MC5R: variants seen among roughly 807,000 people sequenced by gnomAD.
MC5R encodes melanocortin receptor 5.
For synonymous variants in MC5R, 167 were observed against 164.4 expected (o/e 1.02, Z -0.12); for missense variants, 420 against 431.4 (o/e 0.97, Z 0.23).
chr18:13,826,434 C>A lies in MC5R; in HGVS notation c.669C>A (p.Pro223=), dbSNP rs142471410. The stretch of plus-strand genomic sequence containing the variant: ...ACGTCAAGCGGATCGCGGCTCTGCC[C>A]GGGGCCAGCTCTGCGCGGCAGAGGA... ...RTHVKRIAAL[P]GASSARQRTS... Residue 223 remains proline, a synonymous_variant, in exon 2 of 2, where the codon CCC becomes CCA. Coordinates refer to ENST00000589410, the MANE Select transcript of MC5R (RefSeq NM_005913.3). 4.3e-6 allele frequency: 7 copies of A among 1,613,898 alleles called. No individual in the cohort carries two copies. The East Asian group carries it at 1.6e-4, about 36-fold the overall frequency.
chr18:13,826,815 G>A lies in MC5R; in HGVS notation c.*72G>A, dbSNP rs2044933984. 4 of 1,491,502 alleles carry A rather than the reference G, an allele frequency of 2.7e-6. No individual in the cohort carries two copies. Among genetic ancestry groups the A allele is most frequent in the Non-Finnish European group, 3.6e-6 (4 of 1,121,394 alleles). The allele number at this position is 1,491,502 out of a possible 1,614,324, so 92.4% of individuals were successfully genotyped here. A position where few individuals can be genotyped will look rare whatever the true frequency, so the allele number is the denominator to read the frequency against. ...CCTATGACAAAGCGACAGCCAAGGGGTAGGCGGGAGTGCTAGCATCCCATT... is the reference window on the plus strand; with the variant it reads ...CCTATGACAAAGCGACAGCCAAGGGATAGGCGGGAGTGCTAGCATCCCATT... On this transcript the variant is annotated 3_prime_UTR_variant, in exon 2 of 2. Transcript: ENST00000589410.
Position 13,826,612 on chromosome 18 carries a change from C to T in MC5R, c.847C>T (p.Leu283Phe). ...GTCTCACTTCAATATGTACCTCATA[C>T]TCATCATGTGTAATTCCGTGATGGA... ...FMSHFNMYLI[L>F]IMCNSVMDPL... The change falls in exon 2 of 2, where the codon CTC becomes TTC. Residue 283 changes from leucine (L) to phenylalanine (F), a missense_variant. Physicochemically the swap from Leu to Phe is conservative, Grantham distance 22. Transcript: ENST00000589410. 1 of 1,614,156 alleles carries T rather than the reference C, an allele frequency of 6.2e-7. No homozygotes were observed. The highest frequency in any genetic ancestry group is 1.1e-5 in the South Asian group (1 of 91,086).
intron 1 of MC5R, 159 bp from the exon 2 acceptor site, chr18:13,825,568 A>T: frequency 2.6e-6 from 1 of 388,306 alleles, no homozygotes; most frequent in Non-Finnish European, 4.6e-6. Flanking sequence ...GTCTCTTAAA[A>T]AAAAAAAAAA....
chr18:13,826,131 C>G lies in MC5R; in HGVS notation c.366C>G (p.Ile122Met). 6.2e-7 allele frequency: 1 copy of G among 1,614,192 alleles called. No individual in the cohort carries two copies. Among genetic ancestry groups the G allele is most frequent in the Non-Finnish European group, 8.5e-7 (1 of 1,180,048 alleles). ...TTGACAATGTGTTTGACTCCATGAT[C>G]TGCATTTCCGTGGTGGCATCCATGT... is the stretch of plus-strand genomic sequence containing the variant. Reference protein sequence around the residue: ...RHIDNVFDSMICISVVASMCS... With the variant: ...RHIDNVFDSMMCISVVASMCS... The change falls in exon 2 of 2, where the codon ATC becomes ATG. Residue 122 changes from isoleucine to methionine, a missense_variant. Ile to Met is a conservative substitution (Grantham distance 10). Coordinates refer to ENST00000589410, the MANE Select transcript of MC5R (RefSeq NM_005913.3).
Position 13,827,311 on chromosome 18 carries a change from A to C in MC5R, c.*568A>C, listed in dbSNP as rs2044936634. 1 of 152,426 alleles carries C rather than the reference A, an allele frequency of 6.6e-6. No individual in the cohort carries two copies. The allele number at this position is 152,426 out of a possible 1,614,324, so 9.4% of individuals were successfully genotyped here. The stretch of plus-strand genomic sequence containing the variant: ...CTTTTGATTCATGGCTTTTGTTCAT[A>C]ATTGTCTGAATAATTGTACTTCTGT... On this transcript the variant is annotated 3_prime_UTR_variant, in exon 2 of 2. Transcript: ENST00000589410.
chr18:13,826,285 G>A lies in MC5R; in HGVS notation c.520G>A (p.Gly174Ser), dbSNP rs573035026. ...CATCTGGGCTTTCTGCACGGGCTGC[G>A]GCATTGTCTTCATCCTGTACTCAGA... ...AGIWAFCTGC[G>S]IVFILYSEST... Residue 174 changes from glycine to serine, a missense_variant, in exon 2 of 2, where the codon GGC (glycine) becomes AGC (serine). By Grantham distance (56) the Gly-to-Ser change is moderately conservative. Coordinates refer to ENST00000589410, the MANE Select transcript of MC5R (RefSeq NM_005913.3). The A allele has an allele frequency of 1.2e-6, 2 of 1,613,990 alleles. No homozygotes were observed. Among genetic ancestry groups the A allele is most frequent in the African/African-American group, 2.7e-5 (2 of 74,896 alleles).
chr18:13,824,425 T>G (rs2044916325), intron 1 of MC5R, among the ~76,000 whole-genome samples, 151 bp downstream of exon 1: 1 of 152,266 alleles, frequency 6.6e-6, no homozygotes, highest in Non-Finnish European at 1.5e-5. Context: ...AATTGCATAA[T>G]TTACCGATAT....
chr18:13,826,482 C>G lies in MC5R; in HGVS notation c.717C>G (p.Thr239=). 6.2e-7 allele frequency: 1 copy of G among 1,613,614 alleles called. No homozygotes were observed. Residue 239 remains threonine, a synonymous_variant, in exon 2 of 2, where the codon ACC becomes ACG. Coordinates refer to ENST00000589410, the MANE Select transcript of MC5R (RefSeq NM_005913.3). ...GGACCAGCATGCAGGGCGCGGTCAC[C>G]GTCACCATGCTGCTGGGCGTGTTTA... ...RQRTSMQGAV[T]VTMLLGVFTV...
intron 1 of MC5R, among the ~76,000 whole-genome samples, chr18:13,825,000 C>T (rs2044919465): frequency 6.6e-6 from 1 of 152,030 alleles, no homozygotes; most frequent in Non-Finnish European, 1.5e-5. Context: ...TGTGACTTTG[C>T]TCAGGGTAAC....
intron 1 of MC5R, 70 bp downstream of exon 1, chr18:13,824,344 G>A (rs1206204687): frequency 6.6e-6 from 1 of 152,268 alleles, no homozygotes; most frequent in East Asian, 1.9e-4. Context: ...TCCGCTGCAT[G>A]TGGAAGTGAG....
intron 1 of MC5R, among the ~76,000 whole-genome samples, chr18:13,824,597 T>A (rs2044917129): frequency 1.3e-5 from 2 of 152,168 alleles, no homozygotes; most frequent in Non-Finnish European, 2.9e-5. Context: ...AGTGTAGCCA[T>A]CACCCCTATA....
In MC5R at chr18:13,826,443, C is replaced by T; in HGVS notation, c.678C>T (p.Ser226=). The change falls in exon 2 of 2, where the codon AGC becomes AGT. Residue 226 remains serine (S), a synonymous_variant. Coordinates refer to ENST00000589410, the MANE Select transcript of MC5R (RefSeq NM_005913.3). ...VKRIAALPGA[S]SARQRTSMQG... ...GGATCGCGGCTCTGCCCGGGGCCAG[C>T]TCTGCGCGGCAGAGGACCAGCATGC... 1 of 1,613,840 alleles carries T rather than the reference C, an allele frequency of 6.2e-7. No homozygotes were observed. The highest frequency in any genetic ancestry group is 8.5e-7 in the Non-Finnish European group (1 of 1,179,798).
chr18:13,826,811 AG>A lies in MC5R; in HGVS notation c.*72del. 1.3e-6 allele frequency: 2 copies of A among 1,511,622 alleles called. No homozygotes were observed. Among genetic ancestry groups the A allele is most frequent in the East Asian group, 4.5e-5 (2 of 44,236 alleles). 93.6% of individuals were successfully genotyped at this position (1,511,622 alleles called of 1,614,324 possible). A position where few individuals can be genotyped will look rare whatever the true frequency, so the allele number is the denominator to read the frequency against. On this transcript the variant is annotated 3_prime_UTR_variant, in exon 2 of 2. Transcript: ENST00000589410. ...CTCACCTATGACAAAGCGACAGCCA[AG>A]GGGTAGGCGGGAGTGCTAGCATCCC...
rs2044926500 is a variant in MC5R at position 13,825,974 on chromosome 18, C to G, written c.209C>G (p.Pro70Arg). ...AIVKNKNLHS[P>R]MYFFVCSLAV... ...GTGAAGAACAAAAACCTGCACTCCCCCATGTACTTCTTCGTGTGCAGCCTG... is the reference window on the plus strand; with the variant it reads ...GTGAAGAACAAAAACCTGCACTCCCGCATGTACTTCTTCGTGTGCAGCCTG... The change falls in exon 2 of 2, where the codon CCC becomes CGC. Residue 70 changes from proline (P) to arginine (R), a missense_variant. By Grantham distance (103) the Pro-to-Arg change is moderately radical. Transcript: ENST00000589410. 5.0e-6 allele frequency: 8 copies of G among 1,614,138 alleles called. No homozygotes were observed. Among genetic ancestry groups the G allele is most frequent in the Non-Finnish European group, 5.9e-6 (7 of 1,180,006 alleles).
In MC5R at chr18:13,826,269, T is replaced by C. The variant is rs1193260259; in HGVS notation, c.504T>C (p.Ala168=). The C allele has an allele frequency of 1.2e-6, 2 of 1,614,066 alleles. No homozygotes were observed. The highest frequency in any genetic ancestry group is 1.7e-6 in the Non-Finnish European group (2 of 1,180,050). Residue 168 remains alanine, a synonymous_variant, in exon 2 of 2, where the codon GCT becomes GCC. Coordinates refer to ENST00000589410, the MANE Select transcript of MC5R (RefSeq NM_005913.3). ...GGGCCATCATCGCCGGCATCTGGGCTTTCTGCACGGGCTGCGGCATTGTCT... is the reference window on the plus strand; with the variant it reads ...GGGCCATCATCGCCGGCATCTGGGCCTTCTGCACGGGCTGCGGCATTGTCT... ...RSGAIIAGIW[A]FCTGCGIVFI...
chr18:13,824,279 A>G lies in MC5R; in HGVS notation c.-40+5A>G, dbSNP rs957550772. The G allele has an allele frequency of 1.7e-4, 26 of 152,260 alleles. No individual in the cohort carries two copies. Among genetic ancestry groups the G allele is most frequent in the Non-Finnish European group, 1.5e-4 (10 of 68,044 alleles). 9.4% of individuals were successfully genotyped at this position (152,260 alleles called of 1,614,324 possible). ...GGCCCGCGAGGAGGAGCACCGGTAA[A>G]TAGCCACAACTTTCTATCTCCTTGA... is the stretch of plus-strand genomic sequence containing the variant. On this transcript the variant is annotated splice_donor_5th_base_variant and intron_variant, in intron 1 of 1. Coordinates refer to ENST00000589410, the MANE Select transcript of MC5R (RefSeq NM_005913.3).
chr18:13,826,282 T>A lies in MC5R; in HGVS notation c.517T>A (p.Cys173Ser). The A allele has an allele frequency of 6.2e-7, 1 of 1,614,192 alleles. No homozygotes were observed. Among genetic ancestry groups the A allele is most frequent in the Non-Finnish European group, 8.5e-7 (1 of 1,180,052 alleles). The change falls in exon 2 of 2, where the codon TGC becomes AGC. Residue 173 changes from cysteine (C) to serine (S), a missense_variant. Physicochemically the swap from Cys to Ser is moderately radical, Grantham distance 112. Coordinates refer to ENST00000589410, the MANE Select transcript of MC5R (RefSeq NM_005913.3). ...CGGCATCTGGGCTTTCTGCACGGGC[T>A]GCGGCATTGTCTTCATCCTGTACTC... is the stretch of plus-strand genomic sequence containing the variant. Reference protein sequence around the residue: ...IAGIWAFCTGCGIVFILYSES... With the variant: ...IAGIWAFCTGSGIVFILYSES...
In MC5R at chr18:13,825,915, C is replaced by A; in HGVS notation, c.150C>A (p.Ser50Arg). 3 of 1,614,094 alleles carry A rather than the reference C, an allele frequency of 1.9e-6. No homozygotes were observed. The highest frequency in any genetic ancestry group is 2.5e-6 in the Non-Finnish European group (3 of 1,180,000). The change falls in exon 2 of 2, where the codon AGC becomes AGA. Residue 50 changes from serine (S) to arginine (R), a missense_variant. Transcript: ENST00000589410. ...VEVFLTLGVI[S>R]LLENILVIGA... ...TGTTTCTCACTCTGGGTGTCATCAG[C>A]CTCTTGGAGAACATCTTGGTCATAG...
At chr18:13,825,466 AC>A (rs1293528509) in intron 1 of MC5R, 7 of 261,384 alleles carry the variant, frequency 2.7e-5, no homozygotes, top group African/African-American at 1.4e-4. Context: ...CACGTGGCTC[AC>A]CCCTGTAGTA....
Sources: gnomAD v4.1 joint callset for allele counts (sites outside exome capture counted in the v4.1 genomes callset) on GRCh38, gnomAD v4.1.1 for gene constraint, MANE v1.5 for transcripts, NCBI Gene and HGNC (gene_info 2026-07-23, HGNC 2026-07-21) for gene names.